PROSER1: variants seen among roughly 807,000 people sequenced by gnomAD.
The protein encoded by PROSER1 is proline and serine-rich protein 1.
PROSER1 carries 36 observed loss-of-function variants against 71.8 expected under a neutral mutation model. The ratio of observed to expected loss-of-function variants is 0.50; its 90% CI spans 0.38 to 0.66. PROSER1 has a LOEUF of 0.66. PROSER1 is among the 30% of genes least tolerant of loss of function. PROSER1 has a pLI of 0.00. For synonymous variants in PROSER1, 490 were observed against 452.4 expected (o/e 1.08, Z -1.06); for missense variants, 1,107 against 1,135.0 (o/e 0.98, Z 0.35).
At chr13:39,018,516 A>G (rs574243786) in intron 9 of PROSER1, among the ~76,000 whole-genome samples, 1 of 149,116 alleles carries the variant, frequency 6.7e-6, no homozygotes, top group Non-Finnish European at 1.5e-5. Flanking sequence ...ACACACACAC[A>G]CTACTGGGAA....
In PROSER1 at chr13:39,010,215, C is replaced by T. The variant is rs963618112; in HGVS notation, c.*1150G>A. On this transcript the variant is annotated 3_prime_UTR_variant, in exon 13 of 13. Coordinates refer to ENST00000352251, the MANE Select transcript of PROSER1 (RefSeq NM_025138.5). ...CTAACCATACAGGTTTATTAATATA[C>T]TTAAAAAGTTTGTTCCCTATGTTGA... The T allele has an allele frequency of 2.6e-5, 4 of 152,538 alleles. No individual in the cohort carries two copies. Among genetic ancestry groups the T allele is most frequent in the Non-Finnish European group, 5.9e-5 (4 of 68,012 alleles). 9.4% of individuals were successfully genotyped at this position (152,538 alleles called of 1,614,324 possible). A position where few individuals can be genotyped will look rare whatever the true frequency, so the allele number is the denominator to read the frequency against.
chr13:39,032,033 G>T (rs75601599), intron 2 of PROSER1, among the ~76,000 whole-genome samples: 13,933 of 152,156 alleles, frequency 0.092, 755 homozygotes, highest in African/African-American at 0.13. Context: ...GGATGGTTGA[G>T]AAGTACTAGA....
Position 39,014,446 on chromosome 13 carries a change from G to C in PROSER1, c.806C>G (p.Ser269Cys). ...TFSTPASQLFSPHGSNPSTPA... is the reference protein window; with the variant it reads ...TFSTPASQLFCPHGSNPSTPA... ...TGTTGAAGGATTAGAACCATGAGGA[G>C]AAAAGAGTTGACTTGCTGGGGTGGA... Residue 269 changes from serine (S) to cysteine (C), a missense_variant, in exon 11 of 13, where the codon TCT (serine) becomes TGT (cysteine). Physicochemically the swap from Ser to Cys is moderately radical, Grantham distance 112 (BLOSUM62 -1). Transcript: ENST00000352251. 1.2e-6 allele frequency: 2 copies of C among 1,611,118 alleles called. No homozygotes were observed. Among genetic ancestry groups the C allele is most frequent in the Non-Finnish European group, 1.7e-6 (2 of 1,177,630 alleles).
chr13:39,037,071 T>C (rs1871148740), intron 1 of PROSER1, 127 bp downstream of exon 1: 2 of 701,114 alleles, frequency 2.9e-6, no homozygotes, highest in East Asian at 5.3e-5. Flanking sequence ...CCATTACACG[T>C]GAAAATTCAA....
rs778323901 is a variant in PROSER1 at position 39,011,348 on chromosome 13, ATAAAAGT to A, written c.*10_*16del. On this transcript the variant is annotated 3_prime_UTR_variant, in exon 13 of 13. Coordinates refer to ENST00000352251, the MANE Select transcript of PROSER1 (RefSeq NM_025138.5). ...AATTCTGATGTTGCTCTGAAGGAGA[ATAAAAGT>A]TAAAAGTATTCACTGCCACCCACTC... The A allele has an allele frequency of 8.4e-5, 136 of 1,613,310 alleles. 1 individual carries two copies. The African/African-American group carries it at 1.5e-3, about 18-fold the overall frequency.
intron 3 of PROSER1, 65 bp downstream of exon 3, chr13:39,031,498 C>T (rs2138132932): frequency 1.7e-6 from 2 of 1,157,602 alleles, no homozygotes; most frequent in Non-Finnish European, 2.5e-6. Context: ...AAATAAATTA[C>T]ACACAACTGG....
intron 3 of PROSER1, among the ~76,000 whole-genome samples, chr13:39,029,922 C>G (rs982969148): frequency 6.6e-6 from 1 of 152,072 alleles, no homozygotes; most frequent in Non-Finnish European, 1.5e-5. Flanking sequence ...TTGTGATGCA[C>G]CAAGATTGTG....
At chr13:39,015,910 TA>T (rs1363942926) in intron 10 of PROSER1, among the ~76,000 whole-genome samples, 1 of 152,214 alleles carries the variant, frequency 6.6e-6, no homozygotes, top group African/African-American at 2.4e-5. Flanking sequence ...AATATATACC[TA>T]ATCTTATGTT....
intron 10 of PROSER1, among the ~76,000 whole-genome samples, chr13:39,014,731 C>G (rs910242936): frequency 1.3e-5 from 2 of 152,124 alleles, no homozygotes; most frequent in Non-Finnish European, 2.9e-5. Flanking sequence ...GAGAAGCTTG[C>G]GAAGTGTCCT....
intron 9 of PROSER1, among the ~76,000 whole-genome samples, chr13:39,021,356 C>G (rs544183296): frequency 2.6e-5 from 4 of 152,190 alleles, no homozygotes; most frequent in African/African-American, 9.6e-5. Flanking sequence ...TCCAAAGATT[C>G]TTAATAAAAG....
intron 5 of PROSER1, among the ~76,000 whole-genome samples, chr13:39,027,199 T>G (rs1443026248): frequency 6.6e-6 from 1 of 152,142 alleles, no homozygotes; most frequent in Non-Finnish European, 1.5e-5. Flanking sequence ...ACCCAGCCCC[T>G]CTACTAAATA....
chr13:39,037,165 TCATAA>T, intron 1 of PROSER1, 28 bp downstream of exon 1: 2 of 1,484,062 alleles, frequency 1.3e-6, no homozygotes, highest in Non-Finnish European at 1.9e-6. Context: ...AGAATTCATC[TCATAA>T]AATAATTCAT....
Position 39,029,331 on chromosome 13 carries a change from G to C in PROSER1, c.225C>G (p.Asn75Lys), listed in dbSNP as rs1870717851. The C allele has an allele frequency of 1.3e-6, 2 of 1,547,430 alleles. No individual in the cohort carries two copies. The highest frequency in any genetic ancestry group is 1.7e-6 in the Non-Finnish European group (2 of 1,154,746). Residue 75 changes from asparagine to lysine, a missense_variant, in exon 4 of 13, where the codon AAC (asparagine) becomes AAG (lysine). Physicochemically the swap from Asn to Lys is moderately conservative, Grantham distance 94 (BLOSUM62 0). Coordinates refer to ENST00000352251, the MANE Select transcript of PROSER1 (RefSeq NM_025138.5). Reference sequence around the variant, plus strand: ...GTTTGTCTTTACTGAAAGTGAAACAGTTGAGTATATTGACCACTTCTGTTG... The same window carrying C: ...GTTTGTCTTTACTGAAAGTGAAACACTTGAGTATATTGACCACTTCTGTTG... ...VQPTEVVNILNCFTFSKDKLV... is the reference protein window; with the variant it reads ...VQPTEVVNILKCFTFSKDKLV...
At chr13:39,011,580 T>C (rs1297263600) in intron 12 of PROSER1, 93 bp from the exon 13 acceptor site, 2 of 1,299,616 alleles carry the variant, frequency 1.5e-6, no homozygotes, top group African/African-American at 1.5e-5. Flanking sequence ...ATATTCAGAA[T>C]AGGAAAGAAA....
chr13:39,021,085 T>C (rs1870266985), intron 9 of PROSER1, among the ~76,000 whole-genome samples: 1 of 152,124 alleles, frequency 6.6e-6, no homozygotes, highest in Admixed American at 6.6e-5. Flanking sequence ...ATTAGCAAAG[T>C]AAATGGGGAG....
Position 39,024,561 on chromosome 13 carries a change from T to TAAAAAA in PROSER1, c.481-11_481-6dup. 1.6e-6 allele frequency: 2 copies of TAAAAAA among 1,269,744 alleles called. No individual in the cohort carries two copies. Among genetic ancestry groups the TAAAAAA allele is most frequent in the Non-Finnish European group, 2.1e-6 (2 of 945,382 alleles). 78.7% of individuals were successfully genotyped at this position (1,269,744 alleles called of 1,614,324 possible). ...ATCTTTTTTCAAAGGAGTTCCCTAT[T>TAAAAAA]AAAAAAAAAAAAAAAAGGTAATTGA... is the stretch of plus-strand genomic sequence containing the variant. On this transcript the variant is annotated splice_region_variant and splice_polypyrimidine_tract_variant and intron_variant, in intron 6 of 12. Coordinates refer to ENST00000352251, the MANE Select transcript of PROSER1 (RefSeq NM_025138.5).
At position 39,013,436 on chromosome 13, in the gene PROSER1, T is replaced by C. The variant is rs763303182; in HGVS notation, c.1816A>G (p.Met606Val). Reference protein sequence around the residue: ...STPAATTLPVMIKTEPTSPTP... With the variant: ...STPAATTLPVVIKTEPTSPTP... ...GGACTTGTGGGCTCAGTTTTGATCA[T>C]AACAGGAAGAGTTGTTGCAGCAGGG... is the stretch of plus-strand genomic sequence containing the variant. The change falls in exon 11 of 13, where the codon ATG (methionine) becomes GTG (valine). Residue 606 changes from methionine to valine, a missense_variant. By Grantham distance (21) the Met-to-Val change is conservative. Coordinates refer to ENST00000352251, the MANE Select transcript of PROSER1 (RefSeq NM_025138.5). 3 of 1,614,080 alleles carry C rather than the reference T, an allele frequency of 1.9e-6. No individual in the cohort carries two copies. Among genetic ancestry groups the C allele is most frequent in the African/African-American group, 1.3e-5 (1 of 75,020 alleles).
Position 39,014,303 on chromosome 13 carries a change from G to A in PROSER1, c.949C>T (p.Pro317Ser), listed in dbSNP as rs1210139318. Reference sequence around the variant, plus strand: ...TGAACGGCTGAGGAGACCTGCCCTGGGAACACAGGAAGGACAGTATTCAGC... The same window carrying A: ...TGAACGGCTGAGGAGACCTGCCCTGAGAACACAGGAAGGACAGTATTCAGC... The part of the protein sequence containing the change: ...NLLNTVLPVF[P>S]GQVSSAVHTP... Residue 317 changes from proline to serine, a missense_variant, in exon 11 of 13, where the codon CCA (proline) becomes TCA (serine). By Grantham distance (74) the Pro-to-Ser change is moderately conservative. Coordinates refer to ENST00000352251, the MANE Select transcript of PROSER1 (RefSeq NM_025138.5). The A allele has an allele frequency of 1.9e-6, 3 of 1,614,002 alleles. No homozygotes were observed. Among genetic ancestry groups the A allele is most frequent in the Non-Finnish European group, 2.5e-6 (3 of 1,180,042 alleles).
At chr13:39,018,420 A>C (rs1870107471) in intron 9 of PROSER1, among the ~76,000 whole-genome samples, 2 of 151,980 alleles carry the variant, frequency 1.3e-5, no homozygotes, top group Non-Finnish European at 2.9e-5. Context: ...GTGACAAAAA[A>C]TAACCACCAG....
Sources: gnomAD v4.1 joint callset for allele counts (sites outside exome capture counted in the v4.1 genomes callset) on GRCh38, gnomAD v4.1.1 for gene constraint, MANE v1.5 for transcripts, NCBI Gene and HGNC (gene_info 2026-07-23, HGNC 2026-07-21) for gene names.